TBC1D5: variants seen among roughly 807,000 people sequenced by gnomAD.
TBC1D5 encodes TBC1 domain family member 5, also known as TBC1 domain family, member 5.
In TBC1D5, 75 loss-of-function variants were observed where a neutral mutation model predicts 100.3. The ratio of observed to expected loss-of-function variants is 0.75; its 90% CI spans 0.62 to 0.91. The LOEUF is 0.91. Among genes scored for constraint, TBC1D5 ranks in the 40% least tolerant of loss-of-function variants. TBC1D5 has a pLI of 0.00. For missense variants in TBC1D5, 910 were observed against 942.4 expected (o/e 0.97, Z 0.45); for synonymous variants, 323 against 325.6 (o/e 0.99, Z 0.09).
intron 4 of TBC1D5, among the ~76,000 whole-genome samples, chr3:17,427,532 T>C (rs2094360856): frequency 1.3e-5 from 2 of 151,900 alleles, no homozygotes; most frequent in African/African-American, 4.8e-5. Flanking sequence ...CCATATTTAT[T>C]ATAGAAAAGA....
At chr3:17,200,642 T>A (rs1266591236) in intron 18 of TBC1D5, among the ~76,000 whole-genome samples, 2 of 152,234 alleles carry the variant, frequency 1.3e-5, no homozygotes, top group Non-Finnish European at 2.9e-5. Flanking sequence ...TTGGTAACAA[T>A]TCTAAGGGAA....
In TBC1D5 at chr3:17,213,897, C is replaced by G. The variant is rs561453179; in HGVS notation, c.1752+310G>C. ...GTTTGTTTCAAGTTCCATCATTTAT[C>G]TGTTAAATTTTATAAGAAAACACAG... On this transcript the variant is annotated intron_variant, in intron 18 of 21. Coordinates refer to ENST00000253692, the Ensembl canonical transcript of TBC1D5. Among the ~76,000 whole-genome samples the G allele has an allele frequency of 2.4e-3, 366 of 151,520 alleles. 2 individuals carry two copies. The highest frequency in any genetic ancestry group is 3.5e-3 in the South Asian group (17 of 4,790).
At chr3:17,316,812 G>A (rs1054702547) in intron 13 of TBC1D5, among the ~76,000 whole-genome samples, 1 of 152,166 alleles carries the variant, frequency 6.6e-6, no homozygotes, top group African/African-American at 2.4e-5. Flanking sequence ...GGTTGGGGGA[G>A]ATGAACTTTC....
At chr3:17,583,082 C>G (rs1156764169) in intron 2 of TBC1D5, among the ~76,000 whole-genome samples, 1 of 151,976 alleles carries the variant, frequency 6.6e-6, no homozygotes, top group East Asian at 1.9e-4. Flanking sequence ...CTCAAGAGTT[C>G]AAGACCAGCC....
chr3:17,632,821 G>A lies in TBC1D5; in HGVS notation c.-100-8908C>T, dbSNP rs115122207. 1.7e-3 allele frequency among the ~76,000 whole-genome samples: 260 copies of A among 152,088 alleles called. 3 individuals are homozygous for A. Among genetic ancestry groups the A allele is most frequent in the African/African-American group, 6.0e-3 (247 of 41,462 alleles). On this transcript the variant is annotated intron_variant, in intron 1 of 21. Coordinates refer to ENST00000253692, the Ensembl canonical transcript of TBC1D5. ...TTATACATTTATATACTATAATATA[G>A]TGTAAACATGATTTTTATATGCACT...
intron 3 of TBC1D5, among the ~76,000 whole-genome samples, chr3:17,444,670 A>G (rs2094743832): frequency 6.6e-6 from 1 of 152,136 alleles, no homozygotes; most frequent in African/African-American, 2.4e-5. Context: ...AAATTACAAA[A>G]CTAATACATA....
intron 2 of TBC1D5, among the ~76,000 whole-genome samples, chr3:17,551,187 T>C (rs1378166806): frequency 6.6e-6 from 1 of 152,144 alleles, no homozygotes; most frequent in Non-Finnish European, 1.5e-5. Flanking sequence ...TGGGTTCCTA[T>C]CATGCTGATC....
intron 2 of TBC1D5, among the ~76,000 whole-genome samples, chr3:17,556,109 G>T (rs746060235): frequency 6.6e-6 from 1 of 152,020 alleles, no homozygotes; most frequent in Non-Finnish European, 1.5e-5. Flanking sequence ...CTGCCTCCCA[G>T]GTTTAAGTGA....
At position 17,656,936 on chromosome 3, in the gene TBC1D5, G is replaced by A. The variant is rs1301568205; in HGVS notation, c.-100-33023C>T. On this transcript the variant is annotated intron_variant, in intron 1 of 21. Transcript: ENST00000253692. ...TTGTCAAGGAGCGACAGGATGGCTG[G>A]CTCTCCAAAGGTGTCATGGGAAAGT... Among the ~76,000 whole-genome samples, 2 of 152,074 alleles carry A rather than the reference G, an allele frequency of 1.3e-5. 1 individual carries two copies. The highest frequency in any genetic ancestry group is 1.3e-4 in the Admixed American group (2 of 15,268).
chr3:17,591,601 G>C (rs2096772340), intron 2 of TBC1D5, among the ~76,000 whole-genome samples: 1 of 152,094 alleles, frequency 6.6e-6, no homozygotes, highest in Admixed American at 6.5e-5. Context: ...AGTAATTATT[G>C]GAGTTTCAGC....
intron 15 of TBC1D5, among the ~76,000 whole-genome samples, chr3:17,284,255 T>C (rs753612325): frequency 1.3e-5 from 2 of 152,112 alleles, no homozygotes; most frequent in African/African-American, 2.4e-5. Context: ...GTAGCTGAGA[T>C]TACAGGCCCC....
In TBC1D5 at chr3:17,414,736, G is replaced by A. The variant is rs558406541; in HGVS notation, c.168-8210C>T. Reference sequence around the variant, plus strand: ...AATCACAGGTAATGAGGGAACTCACGAGTCTCTAAAAGGCAATTACAAACT... The same window carrying A: ...AATCACAGGTAATGAGGGAACTCACAAGTCTCTAAAAGGCAATTACAAACT... On this transcript the variant is annotated intron_variant, in intron 4 of 21. Coordinates refer to ENST00000253692, the Ensembl canonical transcript of TBC1D5. 4.6e-5 allele frequency among the ~76,000 whole-genome samples: 7 copies of A among 152,206 alleles called. No homozygotes were observed. In the East Asian group the frequency reaches 9.6e-4, roughly 21 times the overall value.
chr3:17,188,785 C>T (rs1005282131), intron 18 of TBC1D5, among the ~76,000 whole-genome samples: 4 of 152,186 alleles, frequency 2.6e-5, no homozygotes, highest in African/African-American at 9.7e-5. Context: ...ACTAACAATG[C>T]TTTAGACATT....
intron 19 of TBC1D5, among the ~76,000 whole-genome samples, chr3:17,177,359 C>T (rs1285967066): frequency 6.6e-6 from 1 of 152,002 alleles, no homozygotes. Flanking sequence ...GCAAGTCTTC[C>T]AATAATAAAA....
intron 2 of TBC1D5, among the ~76,000 whole-genome samples, chr3:17,571,389 C>T (rs978006483): frequency 4.6e-5 from 7 of 151,932 alleles, no homozygotes; most frequent in African/African-American, 9.7e-5. Flanking sequence ...TTGTGCAGCT[C>T]GGCTATTAAT....
At chr3:17,403,896 A>G (rs1234303899) in intron 7 of TBC1D5, among the ~76,000 whole-genome samples, 1 of 152,152 alleles carries the variant, frequency 6.6e-6, no homozygotes, top group East Asian at 1.9e-4. Context: ...TGCTTGGATT[A>G]CAGCAGGACT....
chr3:17,666,559 T>C lies in TBC1D5; in HGVS notation c.-100-42646A>G, dbSNP rs185471896. 1.1e-3 allele frequency among the ~76,000 whole-genome samples: 168 copies of C among 152,324 alleles called. 1 individual carries two copies. The highest frequency in any genetic ancestry group is 3.7e-3 in the African/African-American group (153 of 41,580). Reference sequence around the variant, plus strand: ...GCAATATTGTATATTGATACTTATTTAGCAGTATTTACCCTTCAAGTTAGA... The same window carrying C: ...GCAATATTGTATATTGATACTTATTCAGCAGTATTTACCCTTCAAGTTAGA... On this transcript the variant is annotated intron_variant, in intron 1 of 21. Coordinates refer to ENST00000253692, the Ensembl canonical transcript of TBC1D5.
In TBC1D5 at chr3:17,245,158, G is replaced by A. The variant is rs557020264; in HGVS notation, c.1332-6739C>T. Among the ~76,000 whole-genome samples the A allele has an allele frequency of 2.2e-4, 33 of 152,088 alleles. 1 individual carries two copies. The East Asian group carries it at 2.9e-3, about 13-fold the overall frequency. On this transcript the variant is annotated intron_variant, in intron 16 of 21. Coordinates refer to ENST00000253692, the Ensembl canonical transcript of TBC1D5. ...CAGTGAGCTGTGATCACACCAGTGC[G>A]TTCCTGTCTAGGCAACAGAGCAAGA...
chr3:17,734,947 G>T (rs1293707969), intron 1 of TBC1D5, among the ~76,000 whole-genome samples: 1 of 151,400 alleles, frequency 6.6e-6, no homozygotes, highest in Non-Finnish European at 1.5e-5. Flanking sequence ...AATTTAATTA[G>T]CTGGGCATGG....
Sources: gnomAD v4.1 joint callset for allele counts (sites outside exome capture counted in the v4.1 genomes callset) on GRCh38, gnomAD v4.1.1 for gene constraint, MANE v1.5 for transcripts, NCBI Gene and HGNC (gene_info 2026-07-23, HGNC 2026-07-21) for gene names.